Variants in PLXNA4 observed in about 807,000 individuals in gnomAD.
PLXNA4 encodes plexin-A4.
A neutral mutation model predicts 191.8 loss-of-function variants in PLXNA4; 44 were observed. The observed-to-expected ratio is 0.23, with a 90% CI of 0.18 to 0.29. PLXNA4 has a LOEUF of 0.29. Among genes scored for constraint, PLXNA4 ranks in the 10% least tolerant of loss-of-function variants. The probability of loss-of-function intolerance (pLI) is 1.00; values close to 1 mark genes in which losing one functional copy is unlikely to be tolerated. For missense variants in PLXNA4, 1,800 were observed against 2,488.8 expected, an observed-to-expected ratio of 0.72 and a Z score of 5.89; for synonymous variants, 1,082 against 1,009.5, an observed-to-expected ratio of 1.07 and a Z score of -1.36.
At chr7:132,460,430 G>A (rs1796466586) in intron 3 of PLXNA4, among the ~76,000 whole-genome samples, 1 of 151,986 alleles carries the variant, frequency 6.6e-6, no homozygotes. Context: ...ATAGCTGCAT[G>A]GAAAAAATTA....
intron 3 of PLXNA4, among the ~76,000 whole-genome samples, chr7:132,339,758 C>T (rs1233159408): frequency 6.6e-6 from 1 of 152,054 alleles, no homozygotes; most frequent in African/African-American, 2.4e-5. Context: ...ATTCAGGGGC[C>T]CCCACACTTA....
rs1392273739 is a variant in PLXNA4 at position 132,151,326 on chromosome 7, GA to G, written c.4661-2681del. The stretch of plus-strand genomic sequence containing the variant: ...GAGGAGGAAGAAGGAGGAGGAGGAG[GA>G]AGAAGAAGGAGGAGGAGGAGGAAGA... On this transcript the variant is annotated intron_variant, in intron 25 of 31. Coordinates refer to ENST00000321063, the MANE Select transcript of PLXNA4 (RefSeq NM_020911.2). Among the ~76,000 whole-genome samples, 55 of 49,328 alleles carry G rather than the reference GA, an allele frequency of 1.1e-3. 1 individual carries two copies. Among genetic ancestry groups the G allele is most frequent in the Non-Finnish European group, 1.7e-3 (37 of 21,340 alleles). 32.4% of individuals were successfully genotyped at this position (49,328 alleles called of 152,430 possible).
intron 3 of PLXNA4, among the ~76,000 whole-genome samples, chr7:132,314,825 G>T (rs926279794): frequency 1.3e-5 from 2 of 152,174 alleles, no homozygotes; most frequent in Non-Finnish European, 2.9e-5. Context: ...GCCCAGCAGG[G>T]CTCTGATCAT....
chr7:132,130,577 G>A lies in PLXNA4; in HGVS notation c.5590-3C>T. ...TCGTGGTCCAGAGGTCCAAGGATCT[G>A]CGGAAGGGCCAAGAACAGGGAGATT... is the stretch of plus-strand genomic sequence containing the variant. On this transcript the variant is annotated splice_polypyrimidine_tract_variant and splice_region_variant and intron_variant, in intron 31 of 31. Coordinates refer to ENST00000321063, the MANE Select transcript of PLXNA4 (RefSeq NM_020911.2). The A allele has an allele frequency of 6.2e-7, 1 of 1,614,116 alleles. No individual in the cohort carries two copies. Among genetic ancestry groups the A allele is most frequent in the Non-Finnish European group, 8.5e-7 (1 of 1,179,996 alleles).
intron 3 of PLXNA4, among the ~76,000 whole-genome samples, chr7:132,360,336 T>G (rs1803884645): frequency 6.6e-6 from 1 of 152,168 alleles, no homozygotes; most frequent in Non-Finnish European, 1.5e-5. Context: ...GCCTTGCTAA[T>G]GAACCCCAAG....
intron 4 of PLXNA4, among the ~76,000 whole-genome samples, chr7:132,296,567 C>T (rs1801089143): frequency 6.6e-6 from 1 of 152,028 alleles, no homozygotes; most frequent in Non-Finnish European, 1.5e-5. Flanking sequence ...GACCCTGCAC[C>T]TGGCTCCGTT....
chr7:132,132,447 GTT>G (rs879443410), intron 31 of PLXNA4, among the ~76,000 whole-genome samples: 3,870 of 54,706 alleles, frequency 0.071, 168 homozygotes, highest in South Asian at 0.091. Context: ...GTTCTGTTCT[GTT>G]CTGTTCTGTT....
intron 8 of PLXNA4, among the ~76,000 whole-genome samples, chr7:132,224,442 C>A (rs775293867): frequency 1.3e-4 from 20 of 152,142 alleles, no homozygotes; most frequent in Non-Finnish European, 2.6e-4. Flanking sequence ...ACAGTCCTGG[C>A]CATCTTGTGT....
At chr7:132,563,811 CCTCCT>C (rs1801530355) in intron 1 of PLXNA4, among the ~76,000 whole-genome samples, 1 of 88,308 alleles carries the variant, frequency 1.1e-5, no homozygotes, top group Admixed American at 1.1e-4. Context: ...TCCTTCTCCT[CCTCCT>C]TCTCCTCCTC....
chr7:132,206,193 T>A (rs1246354814), intron 10 of PLXNA4, among the ~76,000 whole-genome samples: 1 of 152,218 alleles, frequency 6.6e-6, no homozygotes, highest in Non-Finnish European at 1.5e-5. Context: ...TGGATTGGCA[T>A]AAGGATTCAA....
chr7:132,299,022 C>T (rs533660840), intron 3 of PLXNA4, among the ~76,000 whole-genome samples: 15 of 152,206 alleles, frequency 9.9e-5, no homozygotes, highest in Non-Finnish European at 1.5e-4. Context: ...CATGAGCTTT[C>T]CAACCCTACA....
At chr7:132,150,521 CA>C (rs1255354406) in intron 25 of PLXNA4, among the ~76,000 whole-genome samples, 1 of 151,374 alleles carries the variant, frequency 6.6e-6, no homozygotes, top group Admixed American at 6.6e-5. Context: ...TGGGGCACAA[CA>C]AAAAAAAGGA....
rs1247533281 is a variant in PLXNA4, at chr7:132,125,030, T to G, written c.*5449A>C. 4 of 151,582 alleles carry G rather than the reference T, an allele frequency of 2.6e-5. No individual in the cohort carries two copies. Among genetic ancestry groups the G allele is most frequent in the African/African-American group, 4.9e-5 (2 of 41,216 alleles). The allele number at this position is 151,582 out of a possible 1,614,324, so 9.4% of individuals were successfully genotyped here. On this transcript the variant is annotated 3_prime_UTR_variant, in exon 32 of 32. Transcript: ENST00000321063. ...AATAATTTTATGGGGGAGCAAAAAT[T>G]TGTAGTAAAAAAAAAAAAACTCTCT...
At position 132,241,107 on chromosome 7, in the gene PLXNA4, G is replaced by A; in HGVS notation, c.1563C>T (p.Gly521=). The change falls in exon 5 of 32, where the codon GGC becomes GGT. Residue 521 remains glycine (G), a synonymous_variant. Coordinates refer to ENST00000321063, the MANE Select transcript of PLXNA4 (RefSeq NM_020911.2). ...GQYQSCGECL[G]SGDPHCGWCV... The stretch of plus-strand genomic sequence containing the variant: ...ACCAGCCACAGTGGGGGTCGCCTGA[G>A]CCAAGGCACTCGCCGCAGCTCTGAT... 2 of 1,613,476 alleles carry A rather than the reference G, an allele frequency of 1.2e-6. No individual in the cohort carries two copies. Among genetic ancestry groups the A allele is most frequent in the African/African-American group, 1.3e-5 (1 of 75,060 alleles).
intron 10 of PLXNA4, among the ~76,000 whole-genome samples, chr7:132,208,862 G>A (rs1271500123): frequency 1.3e-5 from 2 of 152,164 alleles, no homozygotes; most frequent in African/African-American, 4.8e-5. Flanking sequence ...CCACCTGCCT[G>A]GTGCTGCGGA....
intron 3 of PLXNA4, among the ~76,000 whole-genome samples, chr7:132,359,158 G>A (rs905074578): frequency 2.3e-5 from 3 of 131,514 alleles, no homozygotes; most frequent in Non-Finnish European, 4.9e-5. Context: ...GTTTTGTTTT[G>A]TTTTTTTATG....
At chr7:132,482,333 G>C (rs574653969) in intron 3 of PLXNA4, among the ~76,000 whole-genome samples, 139 of 152,210 alleles carry the variant, frequency 9.1e-4, no homozygotes, top group Non-Finnish European at 1.8e-3. Flanking sequence ...AGAGAAGCCT[G>C]CTGCTGCACT....
intron 5 of PLXNA4, among the ~76,000 whole-genome samples, chr7:132,236,634 T>C (rs2117019415): frequency 6.6e-6 from 1 of 152,246 alleles, no homozygotes; most frequent in Admixed American, 6.5e-5. Flanking sequence ...CAGAGTCGCC[T>C]TCATATCACT....
At chr7:132,512,159 A>C (rs1798738919) in intron 1 of PLXNA4, among the ~76,000 whole-genome samples, 1 of 152,236 alleles carries the variant, frequency 6.6e-6, no homozygotes, top group Admixed American at 6.5e-5. Flanking sequence ...CCTTCCAGAC[A>C]GGCAGGTGCA....
Sources: gnomAD v4.1 joint callset for allele counts (sites outside exome capture counted in the v4.1 genomes callset) on GRCh38, gnomAD v4.1.1 for gene constraint, MANE v1.5 for transcripts, NCBI Gene and HGNC (gene_info 2026-07-23, HGNC 2026-07-21) for gene names.